The following SNX25 variants were observed in gnomAD, a reference collection of about 807,000 sequenced individuals.
The protein encoded by SNX25 is sorting nexin-25.
SNX25 carries 62 observed loss-of-function variants against 113.7 expected under a neutral mutation model. The observed-to-expected ratio is 0.55, with a 90% CI of 0.44 to 0.67. The LOEUF (loss-of-function observed/expected upper bound fraction) is 0.67, where lower values mean the gene tolerates loss of function less well. SNX25 is among the 30% of genes least tolerant of loss of function. SNX25 has a pLI of 0.00. For synonymous variants in SNX25, 421 were observed against 436.2 expected, an observed-to-expected ratio of 0.97 and a Z score of 0.43; for missense variants, 1,014 against 1,161.0, an observed-to-expected ratio of 0.87 and a Z score of 1.84.
chr4:185,302,738 A>G (rs565231634), intron 6 of SNX25, among the ~76,000 whole-genome samples: 1 of 152,302 alleles, frequency 6.6e-6, no homozygotes, highest in East Asian at 1.9e-4. Context: ...TTCGAAAGCC[A>G]TGCAGTCTGT....
intron 12 of SNX25, among the ~76,000 whole-genome samples, chr4:185,343,011 C>T (rs1489962473): frequency 6.6e-6 from 1 of 152,200 alleles, no homozygotes; most frequent in African/African-American, 2.4e-5. Flanking sequence ...CTGCCTCAGC[C>T]TCCCGAGTAG....
intron 1 of SNX25, among the ~76,000 whole-genome samples, chr4:185,233,890 C>T (rs534211251): frequency 6.6e-6 from 1 of 152,166 alleles, no homozygotes; most frequent in East Asian, 1.9e-4. Flanking sequence ...TGGAGTGTGG[C>T]TCTGTTGCCC....
intron 7 of SNX25, among the ~76,000 whole-genome samples, chr4:185,315,661 A>T (rs1239608444): frequency 6.6e-6 from 1 of 152,140 alleles, no homozygotes; most frequent in Non-Finnish European, 1.5e-5. Context: ...TCTTTCAAAA[A>T]ACGGAGAAGG....
At chr4:185,350,185 G>A (rs1417822748) in intron 13 of SNX25, among the ~76,000 whole-genome samples, 6 of 152,306 alleles carry the variant, frequency 3.9e-5, no homozygotes, top group Middle Eastern at 6.8e-3. Context: ...GGCCCTCTCA[G>A]AGGTGATTTT....
chr4:185,243,080 T>C (rs1380459877), intron 1 of SNX25, among the ~76,000 whole-genome samples: 1 of 152,164 alleles, frequency 6.6e-6, no homozygotes, highest in Non-Finnish European at 1.5e-5. Context: ...CAGAACCAGA[T>C]TGGAAAATCA....
chr4:185,279,811 A>G lies in SNX25; in HGVS notation c.1092-8201A>G, dbSNP rs551613551. Among the ~76,000 whole-genome samples, 10 of 152,300 alleles carry G rather than the reference A, an allele frequency of 6.6e-5. 1 individual carries two copies. Among genetic ancestry groups the G allele is most frequent in the African/African-American group, 2.2e-4 (9 of 41,574 alleles). ...TCTTTTTGATGTACTTATGACTCATAATAATTTATTTTTAAGGAAATAATC... is the reference window on the plus strand; with the variant it reads ...TCTTTTTGATGTACTTATGACTCATGATAATTTATTTTTAAGGAAATAATC... On this transcript the variant is annotated intron_variant, in intron 5 of 18. Transcript: ENST00000652585.
intron 1 of SNX25, among the ~76,000 whole-genome samples, chr4:185,227,099 T>C (rs1354669995): frequency 6.6e-6 from 1 of 152,184 alleles, no homozygotes; most frequent in African/African-American, 2.4e-5. Flanking sequence ...CGCAGGATGA[T>C]ACCCAGAAGA....
chr4:185,375,492 A>ATATATG, the SNX25 span: 1 of 54,828 alleles, frequency 1.8e-5, no homozygotes, highest in African/African-American at 1.2e-4. Flanking sequence ...AAAAAAATAT[A>ATATATG]TATATATATA....
At chr4:185,207,500 G>A (rs1008011848), upstream of SNX25, among the ~76,000 whole-genome samples, 4 of 152,070 alleles carry the variant, frequency 2.6e-5, no homozygotes, top group African/African-American at 7.2e-5. Flanking sequence ...TTACAAGCTT[G>A]AGCCACCACG....
intron 4 of SNX25, among the ~76,000 whole-genome samples, chr4:185,264,897 T>G (rs1404482238): frequency 6.6e-6 from 1 of 152,190 alleles, no homozygotes; most frequent in Non-Finnish European, 1.5e-5. Context: ...AGGCCAATAA[T>G]ATATACATTA....
chr4:185,357,653 C>T lies in SNX25; in HGVS notation c.2585-18C>T. 2 of 1,611,974 alleles carry T rather than the reference C, an allele frequency of 1.2e-6. No homozygotes were observed. Among genetic ancestry groups the T allele is most frequent in the Non-Finnish European group, 1.7e-6 (2 of 1,178,124 alleles). On this transcript the variant is annotated intron_variant, in intron 15 of 18. Coordinates refer to ENST00000652585, the MANE Select transcript of SNX25 (RefSeq NM_001378034.2). The stretch of plus-strand genomic sequence containing the variant: ...TGATGCCCTGTGATAAAAAGTTTTC[C>T]TCTGGTTTCTGTTTCAGTGTTTAAA...
intron 10 of SNX25, among the ~76,000 whole-genome samples, chr4:185,339,106 C>A (rs1209249235): frequency 1.3e-5 from 2 of 152,262 alleles, no homozygotes; most frequent in East Asian, 3.9e-4. Context: ...TATGGGATGT[C>A]TTTCCAGATA....
At chr4:185,374,177 G>A (rs751514591), downstream of SNX25, 22 of 1,613,946 alleles carry the variant, frequency 1.4e-5, no homozygotes, top group South Asian at 1.6e-4. Flanking sequence ...AATACAGCCC[G>A]AGCATACTTT....
At chr4:185,245,662 A>G (rs1744764022) in intron 1 of SNX25, among the ~76,000 whole-genome samples, 1 of 152,134 alleles carries the variant, frequency 6.6e-6, no homozygotes, top group South Asian at 2.1e-4. Flanking sequence ...TTATACAGTT[A>G]TTTTTAACAT....
intron 2 of SNX25, 111 bp from the exon 3 acceptor site, chr4:185,258,737 A>T: frequency 1.2e-6 from 1 of 814,494 alleles, no homozygotes; most frequent in Non-Finnish European, 1.9e-6. Flanking sequence ...TCCTCTCTTT[A>T]ATTTTAAACA....
intron 5 of SNX25, among the ~76,000 whole-genome samples, chr4:185,276,033 C>G (rs1358112131): frequency 1.3e-5 from 2 of 151,974 alleles, no homozygotes; most frequent in African/African-American, 2.4e-5. Context: ...TAGCAGAGGG[C>G]ACATATCAGA....
chr4:185,335,016 A>AT (rs1056660788), intron 10 of SNX25, among the ~76,000 whole-genome samples: 1 of 152,058 alleles, frequency 6.6e-6, no homozygotes, highest in African/African-American at 2.4e-5. Context: ...AAAATTAATA[A>AT]TTTTTTTAAA....
chr4:185,240,643 C>T (rs1327353317), intron 1 of SNX25, among the ~76,000 whole-genome samples: 6 of 146,396 alleles, frequency 4.1e-5, no homozygotes, highest in Non-Finnish European at 7.5e-5. Flanking sequence ...GCTGGCTGGG[C>T]GGGGGGCTAA....
In SNX25 at chr4:185,232,725, C is replaced by T. The variant is rs1742052156; in HGVS notation, c.430-14569C>T. Among the ~76,000 whole-genome samples, 4 of 152,222 alleles carry T rather than the reference C, an allele frequency of 2.6e-5. No individual in the cohort carries two copies. Among genetic ancestry groups the T allele is most frequent in the Admixed American group, 2.6e-4 (4 of 15,278 alleles). On this transcript the variant is annotated intron_variant, in intron 1 of 18. Transcript: ENST00000652585. The surrounding 1 kb of genome is among the most constrained non-coding windows in gnomAD (Gnocchi z 4.4). Reference sequence around the variant, plus strand: ...CAGCTTTAAAGCAGGGGCAGCTCTTCTGGTTCCTTCAGCATTTATGTTCAG... The same window carrying T: ...CAGCTTTAAAGCAGGGGCAGCTCTTTTGGTTCCTTCAGCATTTATGTTCAG...
Sources: allele counts gnomAD v4.1 joint callset (sites outside exome capture counted in the v4.1 genomes callset), GRCh38; gene constraint gnomAD v4.1.1; non-coding constraint Gnocchi (gnomAD v3.1); transcripts MANE v1.5; gene names NCBI Gene and HGNC (gene_info 2026-07-23, HGNC 2026-07-21).